Variants in DPP10 observed in about 807,000 individuals in gnomAD.
The protein encoded by DPP10 is inactive dipeptidyl peptidase 10.
Under a neutral mutation model 120.9 loss-of-function variants are expected in DPP10, and 33 were observed. The observed-to-expected ratio is 0.27, with a 90% confidence interval of 0.21 to 0.37. DPP10 has a LOEUF of 0.37. DPP10 is among the 10% of genes least tolerant of loss of function. The pLI, the probability that DPP10 is intolerant of heterozygous loss-of-function variation, is 1.00. For missense variants in DPP10, 816 were observed against 942.8 expected (o/e 0.87, Z 1.76); for synonymous variants, 337 against 326.1 (o/e 1.03, Z -0.36).
chr2:115,269,094 C>T (rs889137999), intron 1 of DPP10, among the ~76,000 whole-genome samples: 11 of 152,154 alleles, frequency 7.2e-5, no homozygotes, highest in African/African-American at 1.2e-4. Context: ...TTGCAGTGAG[C>T]GGAGACCACG....
intron 1 of DPP10, among the ~76,000 whole-genome samples, chr2:114,622,731 T>C (rs1694195253): frequency 6.6e-6 from 1 of 152,018 alleles, no homozygotes; most frequent in South Asian, 2.1e-4. Flanking sequence ...ACTCTGAAAA[T>C]AGGAGTCCAT....
intron 1 of DPP10, among the ~76,000 whole-genome samples, chr2:114,757,957 G>A (rs1679938372): frequency 1.3e-5 from 2 of 152,106 alleles, no homozygotes. Flanking sequence ...TCTCCATAGA[G>A]TCCCCAAGTC....
chr2:115,486,625 A>C (rs570688431), intron 3 of DPP10, among the ~76,000 whole-genome samples: 1 of 152,290 alleles, frequency 6.6e-6, no homozygotes, highest in South Asian at 2.1e-4. Context: ...TATGAAGTCT[A>C]GAAACTTTTG....
intron 1 of DPP10, among the ~76,000 whole-genome samples, chr2:115,031,204 C>T (rs1703817820): frequency 1.3e-5 from 2 of 151,950 alleles, no homozygotes; most frequent in Non-Finnish European, 2.9e-5. Flanking sequence ...TTAGAAGAGT[C>T]ATTCAGGGAG....
intron 1 of DPP10, among the ~76,000 whole-genome samples, chr2:115,286,261 A>G (rs1036179441): frequency 6.6e-6 from 1 of 151,344 alleles, no homozygotes; most frequent in African/African-American, 2.4e-5. Flanking sequence ...TTGTGCTAAT[A>G]TTTTGGCTTC....
intron 1 of DPP10, among the ~76,000 whole-genome samples, chr2:114,937,179 G>A (rs1022499214): frequency 6.6e-6 from 1 of 152,092 alleles, no homozygotes; most frequent in East Asian, 1.9e-4. Context: ...CCAATGTCTA[G>A]AAGGGTTTTC....
At chr2:115,825,848 T>C (rs1688256899) in intron 21 of DPP10, among the ~76,000 whole-genome samples, 1 of 152,214 alleles carries the variant, frequency 6.6e-6, no homozygotes, top group Non-Finnish European at 1.5e-5. Context: ...AATTCTAGAA[T>C]TGGGCAAGAC....
chr2:114,477,250 A>C (rs941345260), intron 1 of DPP10, among the ~76,000 whole-genome samples: 1 of 151,856 alleles, frequency 6.6e-6, no homozygotes, highest in Non-Finnish European at 1.5e-5. Flanking sequence ...GAGCCACTGC[A>C]CCCAGCCAAA....
intron 1 of DPP10, among the ~76,000 whole-genome samples, chr2:114,993,479 T>C (rs1169640809): frequency 6.6e-6 from 1 of 150,850 alleles, no homozygotes; most frequent in East Asian, 2.0e-4. Flanking sequence ...GAACCAAGTT[T>C]AGATAAAATT....
At chr2:115,418,384 G>A (rs1559574548) in intron 3 of DPP10, among the ~76,000 whole-genome samples, 1 of 152,090 alleles carries the variant, frequency 6.6e-6, no homozygotes, top group Non-Finnish European at 1.5e-5. Context: ...AGTAGTGAAA[G>A]GTGGAGAAAG....
chr2:115,784,641 C>G (rs1683134009), intron 17 of DPP10, among the ~76,000 whole-genome samples: 1 of 152,130 alleles, frequency 6.6e-6, no homozygotes, highest in African/African-American at 2.4e-5. Flanking sequence ...TCAAGCAATT[C>G]TCCTGCCTCA....
chr2:114,728,569 CT>C (rs765864660), intron 1 of DPP10, among the ~76,000 whole-genome samples: 8 of 152,122 alleles, frequency 5.3e-5, no homozygotes, highest in Non-Finnish European at 8.8e-5. Context: ...CAGAAATGGA[CT>C]TTTGACTTCT....
intron 3 of DPP10, among the ~76,000 whole-genome samples, chr2:115,378,870 A>G (rs1198727263): frequency 2.0e-5 from 3 of 152,090 alleles, no homozygotes; most frequent in African/African-American, 4.8e-5. Flanking sequence ...ATTTGCATAT[A>G]TTGAACCAGC....
chr2:115,270,983 A>G (rs955251520), intron 1 of DPP10, among the ~76,000 whole-genome samples: 10 of 152,206 alleles, frequency 6.6e-5, no homozygotes, highest in Non-Finnish European at 1.5e-4. Flanking sequence ...AGAAATGTCA[A>G]AATTAATCAT....
intron 8 of DPP10, among the ~76,000 whole-genome samples, chr2:115,734,820 G>A (rs2092996911): frequency 1.3e-5 from 2 of 152,040 alleles, no homozygotes; most frequent in South Asian, 4.1e-4. Context: ...GCATAAATCA[G>A]TGTCAATATC....
At chr2:115,332,659 T>C (rs1409309944) in intron 2 of DPP10, among the ~76,000 whole-genome samples, 2 of 152,218 alleles carry the variant, frequency 1.3e-5, no homozygotes, top group South Asian at 4.1e-4. Context: ...AACATCTTTA[T>C]TTCTGCCTTC....
chr2:115,111,612 A>G (rs2104683139), intron 1 of DPP10, among the ~76,000 whole-genome samples: 1 of 152,212 alleles, frequency 6.6e-6, no homozygotes, highest in South Asian at 2.1e-4. Flanking sequence ...CAACCAGGAC[A>G]ATATTGGGAT....
At chr2:114,487,686 GAAAC>G (rs1455934613) in intron 1 of DPP10, among the ~76,000 whole-genome samples, 1 of 152,084 alleles carries the variant, frequency 6.6e-6, no homozygotes, top group African/African-American at 2.4e-5. Context: ...AAAATTTGCT[GAAAC>G]AAACAATAAT....
chr2:115,160,492 G>C (rs978164739), intron 1 of DPP10, among the ~76,000 whole-genome samples: 1 of 152,168 alleles, frequency 6.6e-6, no homozygotes, highest in African/African-American at 2.4e-5. Flanking sequence ...TCAGAGCAGG[G>C]AGCCAGTCCT....
Sources: allele counts gnomAD v4.1 joint callset (sites outside exome capture counted in the v4.1 genomes callset), GRCh38; gene constraint gnomAD v4.1.1; transcripts MANE v1.5; gene names NCBI Gene and HGNC (gene_info 2026-07-23, HGNC 2026-07-21).